The following LEF1 variants were observed in gnomAD, a reference collection of about 807,000 sequenced individuals.
LEF1 encodes the protein lymphoid enhancer-binding factor 1.
Under a neutral mutation model 51.2 loss-of-function variants are expected in LEF1, and 14 were observed. The observed-to-expected ratio is 0.27, with a 90% CI of 0.18 to 0.43. LEF1 has a LOEUF of 0.43. LEF1 is among the 20% of genes least tolerant of loss of function. The pLI is 1.00. For synonymous variants in LEF1, 185 were observed against 183.2 expected (o/e 1.01, Z -0.08); for missense variants, 386 against 512.0 (o/e 0.75, Z 2.37).
rs550952979 is a variant in LEF1 at position 108,100,839 on chromosome 4, A to G, written c.415-11582T>C. 3.9e-5 allele frequency among the ~76,000 whole-genome samples: 6 copies of G among 152,306 alleles called. No homozygotes were observed. In the South Asian group the frequency reaches 1.2e-3, roughly 32 times the overall value. ...ACTGGCAAACACTGAATCCCTTCCT[A>G]AATTACTAGGTGAAAAACTCTTATT... On this transcript the variant is annotated intron_variant, in intron 3 of 11. Coordinates refer to ENST00000265165, the MANE Select transcript of LEF1 (RefSeq NM_016269.5).
At chr4:108,076,568 G>A (rs907242407) in intron 8 of LEF1, among the ~76,000 whole-genome samples, 1 of 152,024 alleles carries the variant, frequency 6.6e-6, no homozygotes, top group Non-Finnish European at 1.5e-5. Flanking sequence ...GGTAGAGATG[G>A]GGTGTCACCA....
chr4:108,049,305 A>AT (rs918182965), intron 11 of LEF1, among the ~76,000 whole-genome samples: 8 of 151,868 alleles, frequency 5.3e-5, no homozygotes, highest in South Asian at 2.1e-4. Flanking sequence ...AATTTTCAAG[A>AT]TTTTTTTTTC....
chr4:108,123,042 ATTCT>A (rs1471866254), intron 3 of LEF1, among the ~76,000 whole-genome samples: 1 of 152,090 alleles, frequency 6.6e-6, no homozygotes, highest in African/African-American at 2.4e-5. Context: ...GTGATTTTCT[ATTCT>A]TTTTTCTTTT....
chr4:108,105,181 CTT>C (rs5860896), intron 3 of LEF1, among the ~76,000 whole-genome samples: 12 of 131,350 alleles, frequency 9.1e-5, no homozygotes, highest in East Asian at 2.2e-4. Context: ...GAAGAATCCA[CTT>C]TTTTTTTTTT....
chr4:108,090,986 G>A (rs1420950664), intron 3 of LEF1, among the ~76,000 whole-genome samples: 1 of 152,030 alleles, frequency 6.6e-6, no homozygotes, highest in Non-Finnish European at 1.5e-5. Flanking sequence ...AAACACTATA[G>A]TAATGGGTAA....
At position 108,153,478 on chromosome 4, in the gene LEF1, T is replaced by A. The variant is rs145833278; in HGVS notation, c.414+10090A>T. 3.4e-4 allele frequency among the ~76,000 whole-genome samples: 52 copies of A among 152,372 alleles called. No individual in the cohort carries two copies. The East Asian group carries it at 8.9e-3, about 26-fold the overall frequency. On this transcript the variant is annotated intron_variant, in intron 3 of 11. Transcript: ENST00000265165. ...ACACTTTCCCTCTGTCTGACTTTGC[T>A]GGACTAATTATTGACTTGAAGAGGC...
chr4:108,055,216 T>C (rs902270754), intron 11 of LEF1, among the ~76,000 whole-genome samples: 1 of 152,200 alleles, frequency 6.6e-6, no homozygotes, highest in Non-Finnish European at 1.5e-5. Context: ...AGAAGAAACA[T>C]ATTATTGTGG....
chr4:108,094,115 G>A (rs1740226652), intron 3 of LEF1, among the ~76,000 whole-genome samples: 1 of 152,228 alleles, frequency 6.6e-6, no homozygotes. Flanking sequence ...TGGCCTTCCT[G>A]AAAGCCAAGT....
chr4:108,145,577 A>C (rs1246701798), intron 3 of LEF1, among the ~76,000 whole-genome samples: 1 of 152,230 alleles, frequency 6.6e-6, no homozygotes, highest in Non-Finnish European at 1.5e-5. Context: ...ATATGGATTA[A>C]ATCAGCTCCT....
chr4:108,063,249 C>G (rs57530164), intron 11 of LEF1, among the ~76,000 whole-genome samples: 1 of 152,156 alleles, frequency 6.6e-6, no homozygotes, highest in African/African-American at 2.4e-5. Flanking sequence ...TGGTGCTCCT[C>G]AAACCCACCC....
intron 5 of LEF1, among the ~76,000 whole-genome samples, chr4:108,082,080 G>A (rs1739343113): frequency 6.6e-6 from 1 of 152,096 alleles, no homozygotes; most frequent in Admixed American, 6.6e-5. Context: ...GGCAAGGGAA[G>A]AAAGAAGAAA....
Position 108,048,110 on chromosome 4 carries a change from T to C in LEF1, c.*648A>G, listed in dbSNP as rs1228606678. 1 of 152,572 alleles carries C rather than the reference T, an allele frequency of 6.6e-6. No homozygotes were observed. Among genetic ancestry groups the C allele is most frequent in the Non-Finnish European group, 1.5e-5 (1 of 68,036 alleles). The allele number at this position is 152,572 out of a possible 1,614,324, so 9.5% of individuals were successfully genotyped here. A position where few individuals can be genotyped will look rare whatever the true frequency, so the allele number is the denominator to read the frequency against. On this transcript the variant is annotated 3_prime_UTR_variant, in exon 12 of 12. Transcript: ENST00000265165. ...TTTCAAACTTTTCCAGAACTTTCAA[T>C]TTTATTTAAAAGCTCATAGCTAGCA...
intron 11 of LEF1, among the ~76,000 whole-genome samples, chr4:108,052,249 C>T (rs1246799287): frequency 2.0e-4 from 30 of 152,180 alleles, no homozygotes; most frequent in Admixed American, 2.0e-3. Context: ...TGCACCCCTG[C>T]CCCATCATGT....
intron 9 of LEF1, among the ~76,000 whole-genome samples, chr4:108,065,020 C>T (rs1560762165): frequency 6.6e-6 from 1 of 152,182 alleles, no homozygotes. Context: ...GAAGATATCT[C>T]AAAGACTTAT....
At chr4:108,146,162 T>C (rs572863749) in intron 3 of LEF1, among the ~76,000 whole-genome samples, 1 of 152,350 alleles carries the variant, frequency 6.6e-6, no homozygotes, top group East Asian at 1.9e-4. Flanking sequence ...AACAACTGTG[T>C]TGCTTAGTCT....
intron 3 of LEF1, among the ~76,000 whole-genome samples, chr4:108,122,629 C>T (rs1386218805): frequency 6.6e-6 from 1 of 152,104 alleles, no homozygotes; most frequent in African/African-American, 2.4e-5. Flanking sequence ...AAGCGTGCAC[C>T]ACCATGCCCA....
chr4:108,115,069 TA>T (rs1201960436), intron 3 of LEF1, among the ~76,000 whole-genome samples: 4 of 152,256 alleles, frequency 2.6e-5, no homozygotes, highest in Non-Finnish European at 4.4e-5. Flanking sequence ...AAGCAATTTA[TA>T]ATCCATTTTA....
intron 3 of LEF1, among the ~76,000 whole-genome samples, chr4:108,098,163 G>A (rs1740514895): frequency 6.6e-6 from 1 of 152,190 alleles, no homozygotes; most frequent in South Asian, 2.1e-4. Flanking sequence ...CCACTGCCCA[G>A]GGATGGCATA....
Position 108,081,404 on chromosome 4 carries a change from G to T in LEF1, c.722+182C>A, listed in dbSNP as rs562819087. ...GTGGCTGGTCCGGCCGGGGCACAGC[G>T]CAGAGCTCCTACCCGGGACTCTCTC... On this transcript the variant is annotated intron_variant, in intron 6 of 11. Coordinates refer to ENST00000265165, the MANE Select transcript of LEF1 (RefSeq NM_016269.5). Among the ~76,000 whole-genome samples, 4 of 152,172 alleles carry T rather than the reference G, an allele frequency of 2.6e-5. No homozygotes were observed. The East Asian group carries it at 7.8e-4, about 30-fold the overall frequency.
Sources: gnomAD v4.1 joint callset for allele counts (sites outside exome capture counted in the v4.1 genomes callset) on GRCh38, gnomAD v4.1.1 for gene constraint, MANE v1.5 for transcripts, NCBI Gene and HGNC (gene_info 2026-07-23, HGNC 2026-07-21) for gene names.